Variants in ANKMY2 observed in about 807,000 individuals in gnomAD.
ANKMY2 encodes the protein ankyrin repeat and MYND domain containing 2, also known as ankyrin repeat and MYND domain-containing protein 2.
ANKMY2 carries 36 observed loss-of-function variants against 50.4 expected under a neutral mutation model. The observed-to-expected ratio is 0.71, with a 90% CI of 0.55 to 0.94. The LOEUF (loss-of-function observed/expected upper bound fraction) is 0.94, where lower values mean the gene tolerates loss of function less well. Ranked by LOEUF, ANKMY2 falls within the 40% of genes least tolerant of loss-of-function variation. The pLI, the probability that ANKMY2 is intolerant of heterozygous loss-of-function variation, is 0.00. For synonymous variants in ANKMY2, 187 were observed against 178.8 expected, an observed-to-expected ratio of 1.05 and a Z score of -0.36; for missense variants, 565 against 524.0, an observed-to-expected ratio of 1.08 and a Z score of -0.76.
At chr7:16,635,674 G>A (rs1158369747) in intron 2 of ANKMY2, among the ~76,000 whole-genome samples, 1 of 152,112 alleles carries the variant, frequency 6.6e-6, no homozygotes, top group Non-Finnish European at 1.5e-5. Context: ...TATTTTAGAA[G>A]CAACTATTCT....
At chr7:16,636,945 T>A (rs554465215) in intron 1 of ANKMY2, among the ~76,000 whole-genome samples, 6 of 152,320 alleles carry the variant, frequency 3.9e-5, no homozygotes, top group Non-Finnish European at 5.9e-5. Context: ...GTGAAACACA[T>A]CTTCAATGCC....
chr7:16,628,042 T>C (rs1210772785), intron 2 of ANKMY2, among the ~76,000 whole-genome samples: 1 of 152,240 alleles, frequency 6.6e-6, no homozygotes, highest in Non-Finnish European at 1.5e-5. Context: ...GGTCTCCATA[T>C]GCTTTGTGCA....
intron 1 of ANKMY2, 40 bp from the exon 2 acceptor site, chr7:16,636,495 A>G: frequency 1.4e-6 from 2 of 1,475,874 alleles, no homozygotes; most frequent in Non-Finnish European, 1.8e-6. Context: ...GTTATTCGTC[A>G]CTAGAATAAG....
chr7:16,600,937 G>A lies in ANKMY2; in HGVS notation c.1150C>T (p.Leu384Phe), dbSNP rs201863855. The change falls in exon 10 of 10, where the codon CTT becomes TTT. Residue 384 changes from leucine (L) to phenylalanine (F), a missense_variant. Transcript: ENST00000306999. ...EKRQEENHGK[L>F]DVNSNCVNEE... ...TTAACACAGTTAGAATTGACATCAA[G>A]TTTGCCGTCTGATTAAAAAAAGAAG... 5.9e-5 allele frequency: 94 copies of A among 1,581,124 alleles called. No individual in the cohort carries two copies. In the Middle Eastern group the frequency reaches 1.5e-3, roughly 26 times the overall value.
chr7:16,633,703 G>A (rs1781618245), intron 2 of ANKMY2, among the ~76,000 whole-genome samples: 1 of 152,086 alleles, frequency 6.6e-6, no homozygotes, highest in South Asian at 2.1e-4. Context: ...TTTTATCAAT[G>A]TTACATGTAA....
chr7:16,602,332 C>G (rs372115112), intron 9 of ANKMY2, 48 bp downstream of exon 9: 10 of 1,589,938 alleles, frequency 6.3e-6, no homozygotes, highest in Non-Finnish European at 8.5e-6. Flanking sequence ...CACCTATCAT[C>G]TCTCTCTCCA....
At chr7:16,601,752 C>T (rs775469670) in intron 9 of ANKMY2, among the ~76,000 whole-genome samples, 2 of 152,078 alleles carry the variant, frequency 1.3e-5, no homozygotes, top group Non-Finnish European at 2.9e-5. Flanking sequence ...TGGAATGAGG[C>T]ATGAGGGTGG....
Position 16,600,681 on chromosome 7 carries a change from A to G in ANKMY2, c.*80T>C. 7.8e-7 allele frequency: 1 copy of G among 1,276,646 alleles called. No individual in the cohort carries two copies. Among genetic ancestry groups the G allele is most frequent in the Non-Finnish European group, 1.0e-6 (1 of 952,556 alleles). The allele number at this position is 1,276,646 out of a possible 1,614,324, so 79.1% of individuals were successfully genotyped here. On this transcript the variant is annotated 3_prime_UTR_variant, in exon 10 of 10. Coordinates refer to ENST00000306999, the MANE Select transcript of ANKMY2 (RefSeq NM_020319.3). Reference sequence around the variant, plus strand: ...GCCATGGTGCCACGCAGGTATAACAAGGTGAGGACAATGCATTCCTAGGAG... The same window carrying G: ...GCCATGGTGCCACGCAGGTATAACAGGGTGAGGACAATGCATTCCTAGGAG...
chr7:16,644,669 G>C (rs894799525), intron 1 of ANKMY2: 5 of 471,134 alleles, frequency 1.1e-5, no homozygotes, highest in Non-Finnish European at 2.2e-5. Flanking sequence ...GAAGCATGCA[G>C]TCACGCTGAT....
chr7:16,640,582 C>T (rs1279238181), intron 1 of ANKMY2, among the ~76,000 whole-genome samples: 1 of 152,162 alleles, frequency 6.6e-6, no homozygotes, highest in East Asian at 1.9e-4. Flanking sequence ...AGTGCAGTGG[C>T]ATGATCATGG....
At chr7:16,603,796 A>G in intron 8 of ANKMY2, 1 of 446,384 alleles carries the variant, frequency 2.2e-6, no homozygotes, top group Non-Finnish European at 4.6e-6. Context: ...TACCTTTGCT[A>G]TTGCCATGAC....
intron 5 of ANKMY2, among the ~76,000 whole-genome samples, chr7:16,614,485 C>G (rs541725454): frequency 1.1e-4 from 17 of 152,220 alleles, no homozygotes. Flanking sequence ...TCTTAAGGGC[C>G]TAGAAAATTA....
intron 2 of ANKMY2, among the ~76,000 whole-genome samples, chr7:16,631,006 T>C (rs1476696176): frequency 6.6e-6 from 1 of 152,206 alleles, no homozygotes; most frequent in Non-Finnish European, 1.5e-5. Flanking sequence ...CTTCTTGTCT[T>C]GATTCTGGTA....
In ANKMY2 at chr7:16,644,457, AT is replaced by A. The variant is rs1781789011; in HGVS notation, c.67+1049del. Among the ~76,000 whole-genome samples, 3 of 152,226 alleles carry A rather than the reference AT, an allele frequency of 2.0e-5. No individual in the cohort carries two copies. In the South Asian group the frequency reaches 6.2e-4, roughly 32 times the overall value. ...GTTTCCTTGTCGCTATGAAGAATAAATCTGCCTTATTCTCTAGGATTCCACA... is the reference window on the plus strand; with the variant it reads ...GTTTCCTTGTCGCTATGAAGAATAAACTGCCTTATTCTCTAGGATTCCACA... On this transcript the variant is annotated intron_variant, in intron 1 of 9. Transcript: ENST00000306999.
chr7:16,601,167 A>G (rs1054470558), intron 9 of ANKMY2, among the ~76,000 whole-genome samples: 8 of 152,214 alleles, frequency 5.3e-5, no homozygotes, highest in Non-Finnish European at 8.8e-5. Context: ...CCAGCATTTG[A>G]ACTCAGGCCG....
chr7:16,635,162 CA>C (rs924702075), intron 2 of ANKMY2, among the ~76,000 whole-genome samples: 1 of 151,394 alleles, frequency 6.6e-6, no homozygotes, highest in East Asian at 1.9e-4. Flanking sequence ...ACACATACAA[CA>C]AAAAAAACTA....
intron 5 of ANKMY2, among the ~76,000 whole-genome samples, chr7:16,614,641 A>C (rs192184099): frequency 1.4e-4 from 21 of 152,240 alleles, no homozygotes; most frequent in African/African-American, 4.8e-4. Flanking sequence ...GTCAGTCTTC[A>C]GAAGAGTCAC....
At chr7:16,605,614 C>T (rs1248921049) in intron 7 of ANKMY2, among the ~76,000 whole-genome samples, 2 of 151,092 alleles carry the variant, frequency 1.3e-5, no homozygotes, top group East Asian at 1.9e-4. Context: ...TCTCCTGCCT[C>T]AGCCTCCTCA....
chr7:16,634,520 C>T (rs1015579301), intron 2 of ANKMY2, among the ~76,000 whole-genome samples: 2 of 152,116 alleles, frequency 1.3e-5, no homozygotes, highest in Admixed American at 6.5e-5. Flanking sequence ...AAGAGAGCTG[C>T]ACAGAAAGGG....
Sources: gnomAD v4.1 joint callset for allele counts (sites outside exome capture counted in the v4.1 genomes callset) on GRCh38, gnomAD v4.1.1 for gene constraint, MANE v1.5 for transcripts, NCBI Gene and HGNC (gene_info 2026-07-23, HGNC 2026-07-21) for gene names.